The following CYRIA variants were observed in gnomAD, a reference collection of about 807,000 sequenced individuals.
CYRIA encodes the protein CYFIP-related Rac1 interactor A.
A neutral mutation model predicts 43.9 loss-of-function variants in CYRIA; 15 were observed. The ratio of observed to expected loss-of-function variants is 0.34; its 90% CI spans 0.23 to 0.53. The LOEUF is 0.53. CYRIA is among the 20% of genes least tolerant of loss of function. CYRIA has a pLI of 0.94. For synonymous variants in CYRIA, 117 were observed against 136.0 expected (o/e 0.86, Z 0.97); for missense variants, 236 against 394.2 (o/e 0.60, Z 3.40).
At chr2:16,560,648 T>G in intron 9 of CYRIA, 1 of 281,934 alleles carries the variant, frequency 3.5e-6, no homozygotes, top group Non-Finnish European at 6.8e-6. Context: ...GTTTTATATC[T>G]TCTCTACAAT....
intron 1 of CYRIA, among the ~76,000 whole-genome samples, chr2:16,626,855 C>A (rs1305887333): frequency 6.6e-6 from 1 of 152,228 alleles, no homozygotes; most frequent in Non-Finnish European, 1.5e-5. Flanking sequence ...GGGCTTCACA[C>A]CACACAACAC....
chr2:16,665,713 G>T (rs1356293288), intron 1 of CYRIA, 67 bp downstream of exon 1: 1 of 148,150 alleles, frequency 6.7e-6, no homozygotes, highest in Non-Finnish European at 1.5e-5. Flanking sequence ...GCCCCGTGCA[G>T]GCCGAGCCCC....
chr2:16,616,698 T>C (rs1288911407), intron 2 of CYRIA, among the ~76,000 whole-genome samples: 2 of 152,256 alleles, frequency 1.3e-5, no homozygotes, highest in African/African-American at 4.8e-5. Flanking sequence ...AGACACTTGC[T>C]TCTAATAGAA....
At chr2:16,638,600 T>G (rs891784855) in intron 1 of CYRIA, among the ~76,000 whole-genome samples, 1 of 151,844 alleles carries the variant, frequency 6.6e-6, no homozygotes, top group Non-Finnish European at 1.5e-5. Flanking sequence ...GCATAAGAAA[T>G]TGATGGGTTG....
intron 1 of CYRIA, among the ~76,000 whole-genome samples, chr2:16,635,958 T>C (rs28565458): frequency 3.9e-5 from 6 of 152,030 alleles, no homozygotes; most frequent in African/African-American, 1.2e-4. Flanking sequence ...AGAAACAGCG[T>C]TGGATAAGAA....
chr2:16,632,625 A>C (rs1669358959), intron 1 of CYRIA, among the ~76,000 whole-genome samples: 1 of 152,196 alleles, frequency 6.6e-6, no homozygotes, highest in Non-Finnish European at 1.5e-5. Context: ...AGCCAGACAC[A>C]CTTTCACAAA....
chr2:16,660,401 C>T (rs996428674), intron 1 of CYRIA, among the ~76,000 whole-genome samples: 12 of 152,264 alleles, frequency 7.9e-5, no homozygotes, highest in East Asian at 3.9e-4. Flanking sequence ...CCACAGAGAG[C>T]GCCCATGTGG....
intron 11 of CYRIA, among the ~76,000 whole-genome samples, chr2:16,554,534 A>G (rs1054272218): frequency 1.3e-5 from 2 of 152,178 alleles, no homozygotes; most frequent in African/African-American, 4.8e-5. Flanking sequence ...GCACATGTGA[A>G]CCACCTGGGG....
chr2:16,609,053 G>C (rs1572502489), intron 2 of CYRIA, among the ~76,000 whole-genome samples: 1 of 152,164 alleles, frequency 6.6e-6, no homozygotes, highest in Non-Finnish European at 1.5e-5. Flanking sequence ...AGGCGAAGGC[G>C]AGTGCACACA....
chr2:16,555,010 T>A (rs1015513353), intron 11 of CYRIA, 59 bp downstream of exon 11: 2 of 1,391,638 alleles, frequency 1.4e-6, no homozygotes, highest in South Asian at 1.2e-5. Flanking sequence ...GTATTTAAAT[T>A]TGCAATGGCC....
At position 16,564,143 on chromosome 2, in the gene CYRIA, C is replaced by T. The variant is rs555932764; in HGVS notation, c.193-49G>A. 2.4e-5 allele frequency: 34 copies of T among 1,416,578 alleles called. No homozygotes were observed. The South Asian group carries it at 3.3e-4, about 14-fold the overall frequency. 87.8% of individuals were successfully genotyped at this position (1,416,578 alleles called of 1,614,324 possible). A position where few individuals can be genotyped will look rare whatever the true frequency, so the allele number is the denominator to read the frequency against. ...CTGTTTAAAAAGAAGTGGTAAGCTCCACATCAAAATGCCCTAAGATTTAGT... is the reference window on the plus strand; with the variant it reads ...CTGTTTAAAAAGAAGTGGTAAGCTCTACATCAAAATGCCCTAAGATTTAGT... On this transcript the variant is annotated intron_variant, in intron 4 of 11. Coordinates refer to ENST00000381323, the MANE Select transcript of CYRIA (RefSeq NM_030797.4).
intron 2 of CYRIA, among the ~76,000 whole-genome samples, chr2:16,610,132 A>G (rs144182441): frequency 2.9e-4 from 44 of 152,364 alleles, no homozygotes; most frequent in African/African-American, 1.1e-3. Context: ...ATTCTGTGCT[A>G]GGCATTGTGC....
At chr2:16,622,323 C>T (rs1669022216) in intron 2 of CYRIA, among the ~76,000 whole-genome samples, 1 of 152,114 alleles carries the variant, frequency 6.6e-6, no homozygotes, top group Non-Finnish European at 1.5e-5. Context: ...GGCAATCTGG[C>T]TAAAGTCCGG....
At position 16,552,805 on chromosome 2, in the gene CYRIA, T is replaced by C. The variant is rs1162011309; in HGVS notation, c.*131A>G. On this transcript the variant is annotated 3_prime_UTR_variant, in exon 12 of 12. Coordinates refer to ENST00000381323, the MANE Select transcript of CYRIA (RefSeq NM_030797.4). ...GAGTCAGTCAGGATACAAATTAAGG[T>C]CCATATATTTCAGTGACAAGAAGGA... 4.7e-6 allele frequency: 3 copies of C among 644,992 alleles called. No individual in the cohort carries two copies. The African/African-American group carries it at 5.5e-5, about 12-fold the overall frequency. The allele number at this position is 644,992 out of a possible 1,614,324, so 40.0% of individuals were successfully genotyped here.
rs780436971 is a variant in CYRIA, at chr2:16,562,157, A to G, written c.299-16T>C. 3.7e-6 allele frequency: 6 copies of G among 1,605,158 alleles called. No individual in the cohort carries two copies. In the East Asian group the frequency reaches 1.1e-4, roughly 30 times the overall value. ...AGAGCTTTTTCTGAAAATCAAAGGGATAAATAGATATGTTGGAGGTGGCCC... is the reference window on the plus strand; with the variant it reads ...AGAGCTTTTTCTGAAAATCAAAGGGGTAAATAGATATGTTGGAGGTGGCCC... On this transcript the variant is annotated splice_polypyrimidine_tract_variant and intron_variant, in intron 5 of 11. Transcript: ENST00000381323.
intron 2 of CYRIA, among the ~76,000 whole-genome samples, chr2:16,600,706 G>A (rs527915714): frequency 6.6e-6 from 1 of 152,268 alleles, no homozygotes; most frequent in South Asian, 2.1e-4. Flanking sequence ...TAATTTATGA[G>A]AGAAACTGGA....
intron 1 of CYRIA, among the ~76,000 whole-genome samples, chr2:16,651,582 G>A (rs768371143): frequency 5.9e-5 from 9 of 152,126 alleles, no homozygotes; most frequent in South Asian, 2.1e-4. Context: ...TGTGAGTCAC[G>A]CCCTGCAATT....
intron 10 of CYRIA, among the ~76,000 whole-genome samples, chr2:16,558,502 T>A (rs1392060865): frequency 6.6e-6 from 1 of 152,142 alleles, no homozygotes; most frequent in African/African-American, 2.4e-5. Flanking sequence ...AGTAAGTTAC[T>A]ACCAAGAGAT....
Position 16,556,577 on chromosome 2 carries a change from T to C in CYRIA, c.838-1438A>G, listed in dbSNP as rs548094872. ...ATGAATAACAAGATGCTGTCAAGGA[T>C]GCAGTTGGGGCCAGATGCAGTGTGA... On this transcript the variant is annotated intron_variant, in intron 10 of 11. Transcript: ENST00000381323. Among the ~76,000 whole-genome samples, 18 of 152,290 alleles carry C rather than the reference T, an allele frequency of 1.2e-4. 1 individual carries two copies. In the South Asian group the frequency reaches 2.9e-3, roughly 25 times the overall value.
Sources: allele counts gnomAD v4.1 joint callset (sites outside exome capture counted in the v4.1 genomes callset), GRCh38; gene constraint gnomAD v4.1.1; transcripts MANE v1.5; gene names NCBI Gene and HGNC (gene_info 2026-07-23, HGNC 2026-07-21).